Variants in GRM1 observed in about 807,000 individuals in gnomAD.
The protein encoded by GRM1 is metabotropic glutamate receptor 1.
In GRM1, 33 loss-of-function variants were observed where a neutral mutation model predicts 90.9. The ratio of observed to expected loss-of-function variants is 0.36; its 90% confidence interval spans 0.28 to 0.49. The LOEUF (loss-of-function observed/expected upper bound fraction) is 0.49. Ranked by LOEUF, GRM1 falls within the 20% of genes least tolerant of loss-of-function variation. The probability of loss-of-function intolerance (pLI) is 0.99; values close to 1 mark genes in which losing one functional copy is unlikely to be tolerated. For synonymous variants in GRM1, 700 were observed against 613.2 expected, an observed-to-expected ratio of 1.14 and a Z score of -2.09; for missense variants, 1,190 against 1,534.3, an observed-to-expected ratio of 0.78 and a Z score of 3.75.
chr6:146,271,490 G>C (rs1782162551), intron 2 of GRM1, among the ~76,000 whole-genome samples: 2 of 152,128 alleles, frequency 1.3e-5, no homozygotes, highest in African/African-American at 4.8e-5. Flanking sequence ...AGACAAAGGG[G>C]CCTCTGAGGG....
chr6:146,285,979 T>C (rs1485163530), intron 2 of GRM1, among the ~76,000 whole-genome samples: 1 of 152,198 alleles, frequency 6.6e-6, no homozygotes, highest in East Asian at 1.9e-4. Flanking sequence ...AGTTATTTTT[T>C]TGCATGGAGT....
At chr6:146,293,368 T>C (rs1385153512) in intron 2 of GRM1, among the ~76,000 whole-genome samples, 1 of 152,036 alleles carries the variant, frequency 6.6e-6, no homozygotes, top group Non-Finnish European at 1.5e-5. Context: ...CAGCCTGAGC[T>C]GATGTCTCTA....
chr6:146,284,320 A>G lies in GRM1; in HGVS notation c.951-20291A>G, dbSNP rs142508349. 5.9e-5 allele frequency among the ~76,000 whole-genome samples: 9 copies of G among 152,370 alleles called. No homozygotes were observed. In the East Asian group the frequency reaches 1.7e-3, roughly 29 times the overall value. On this transcript the variant is annotated intron_variant, in intron 2 of 7. Transcript: ENST00000282753. ...AAGGAAAATATCATCCAAAGCCATT[A>G]TCTTCCTTTATAGCATAGGTATGGT...
At chr6:146,390,456 A>G (rs1776675775) in intron 6 of GRM1, among the ~76,000 whole-genome samples, 2 of 152,056 alleles carry the variant, frequency 1.3e-5, no homozygotes, top group Non-Finnish European at 2.9e-5. Context: ...CTTTTCTACC[A>G]TGATATACAG....
At chr6:146,233,341 A>G (rs556987158) in intron 2 of GRM1, among the ~76,000 whole-genome samples, 4 of 152,050 alleles carry the variant, frequency 2.6e-5, no homozygotes, top group Admixed American at 2.0e-4. Flanking sequence ...TCTCTGCCCA[A>G]CTCCATTTTC....
intron 7 of GRM1, among the ~76,000 whole-genome samples, chr6:146,405,278 G>T (rs550639047): frequency 6.6e-6 from 1 of 152,174 alleles, no homozygotes; most frequent in African/African-American, 2.4e-5. Context: ...AAGTGCCCAA[G>T]AGGGTGGTTA....
intron 2 of GRM1, among the ~76,000 whole-genome samples, chr6:146,191,974 T>C (rs1455925193): frequency 6.6e-6 from 1 of 152,138 alleles, no homozygotes; most frequent in Non-Finnish European, 1.5e-5. Context: ...TTGGAAAAAT[T>C]GGGATAAACA....
At chr6:146,193,591 A>G (rs1276918794) in intron 2 of GRM1, among the ~76,000 whole-genome samples, 1 of 152,214 alleles carries the variant, frequency 6.6e-6, no homozygotes, top group African/African-American at 2.4e-5. Flanking sequence ...CACAAGCACC[A>G]TTTTGGTAGG....
At chr6:146,222,799 AC>A (rs1232653061) in intron 2 of GRM1, among the ~76,000 whole-genome samples, 1 of 152,208 alleles carries the variant, frequency 6.6e-6, no homozygotes, top group African/African-American at 2.4e-5. Context: ...CATCACAAAA[AC>A]AAATGAGTTT....
At chr6:146,065,165 T>G (rs1775805385) in intron 1 of GRM1, among the ~76,000 whole-genome samples, 1 of 152,192 alleles carries the variant, frequency 6.6e-6, no homozygotes, top group Non-Finnish European at 1.5e-5. Flanking sequence ...TCTTAATGTG[T>G]ACCCTGTAAA....
rs544363822 is a variant in GRM1 at position 146,147,790 on chromosome 6, T to A, written c.701-11558T>A. ...TTTACAACAAACAGAGAGGGGGTCC[T>A]GAGTCCTGTATATTTTTTCTTAAGG... On this transcript the variant is annotated intron_variant, in intron 1 of 7. Transcript: ENST00000282753. 3.9e-5 allele frequency among the ~76,000 whole-genome samples: 6 copies of A among 152,200 alleles called. No individual in the cohort carries two copies. The East Asian group carries it at 1.2e-3, about 29-fold the overall frequency.
At chr6:146,337,420 A>T (rs1460295173) in intron 3 of GRM1, among the ~76,000 whole-genome samples, 1 of 152,250 alleles carries the variant, frequency 6.6e-6, no homozygotes, top group Non-Finnish European at 1.5e-5. Flanking sequence ...TAATGAAATT[A>T]AATGTTTCAA....
At chr6:146,396,086 A>ATCTC (rs1776917831) in intron 6 of GRM1, among the ~76,000 whole-genome samples, 1 of 148,438 alleles carries the variant, frequency 6.7e-6, no homozygotes, top group Non-Finnish European at 1.5e-5. Flanking sequence ...CTATCTATCT[A>ATCTC]TCTATCTATC....
intron 1 of GRM1, among the ~76,000 whole-genome samples, chr6:146,154,608 C>T (rs1777455498): frequency 6.6e-6 from 1 of 152,116 alleles, no homozygotes; most frequent in East Asian, 1.9e-4. Flanking sequence ...AATAAGAAAG[C>T]TTCTTTTAAA....
intron 2 of GRM1, among the ~76,000 whole-genome samples, chr6:146,230,963 A>G (rs1397832313): frequency 2.0e-5 from 3 of 152,174 alleles, no homozygotes; most frequent in African/African-American, 7.2e-5. Flanking sequence ...AAGTAAAACT[A>G]TAGAGACAAT....
At chr6:146,283,527 C>A (rs904353086) in intron 2 of GRM1, among the ~76,000 whole-genome samples, 1 of 152,062 alleles carries the variant, frequency 6.6e-6, no homozygotes, top group African/African-American at 2.4e-5. Context: ...AACCAATGTC[C>A]CATGTTATAA....
At chr6:146,071,385 T>C (rs771357664) in intron 1 of GRM1, among the ~76,000 whole-genome samples, 1 of 152,128 alleles carries the variant, frequency 6.6e-6, no homozygotes, top group African/African-American at 2.4e-5. Flanking sequence ...AAATTCCAGA[T>C]AGAAATCTAA....
chr6:146,117,872 A>G (rs1049207846), intron 1 of GRM1, among the ~76,000 whole-genome samples: 4 of 151,988 alleles, frequency 2.6e-5, no homozygotes, highest in African/African-American at 7.2e-5. Flanking sequence ...ATTCTTTTAC[A>G]TTATAGATAT....
chr6:146,184,703 A>G lies in GRM1; in HGVS notation c.950+25106A>G, dbSNP rs552897038. ...ACATTCTAGAAACTTAAATCGATAA[A>G]CATTTATTTATTTTTCATGTTATAT... On this transcript the variant is annotated intron_variant, in intron 2 of 7. Coordinates refer to ENST00000282753, the MANE Select transcript of GRM1 (RefSeq NM_001278064.2). Among the ~76,000 whole-genome samples the G allele has an allele frequency of 2.7e-3, 407 of 152,212 alleles. 1 individual carries two copies. Among genetic ancestry groups the G allele is most frequent in the African/African-American group, 9.4e-3 (391 of 41,538 alleles).
Sources: gnomAD v4.1 joint callset for allele counts (sites outside exome capture counted in the v4.1 genomes callset) on GRCh38, gnomAD v4.1.1 for gene constraint, MANE v1.5 for transcripts, NCBI Gene and HGNC (gene_info 2026-07-23, HGNC 2026-07-21) for gene names.